The following MKNK2 variants were observed in gnomAD, a reference collection of about 807,000 sequenced individuals.
The protein encoded by MKNK2 is MAP kinase-interacting serine/threonine-protein kinase 2.
A neutral mutation model predicts 55.0 loss-of-function variants in MKNK2; 54 were observed. The observed-to-expected ratio is 0.98, with a 90% CI of 0.79 to 1.23. MKNK2 has a LOEUF of 1.23. MKNK2 is among the 50% of genes most tolerant of loss of function. MKNK2 has a pLI of 0.00. For synonymous variants in MKNK2, 323 were observed against 256.0 expected, an observed-to-expected ratio of 1.26 and a Z score of -2.50; for missense variants, 685 against 632.1, an observed-to-expected ratio of 1.08 and a Z score of -0.90.
chr19:2,045,008 A>C (rs1156483841), intron 5 of MKNK2, among the ~76,000 whole-genome samples: 2 of 152,038 alleles, frequency 1.3e-5, no homozygotes, highest in Admixed American at 1.3e-4. Context: ...CATAGAACGA[A>C]ACAACGCTCC....
chr19:2,044,878 CT>C (rs1336421058), intron 5 of MKNK2, among the ~76,000 whole-genome samples: 2 of 152,182 alleles, frequency 1.3e-5, no homozygotes, highest in Non-Finnish European at 2.9e-5. Context: ...TGGAAGGGGC[CT>C]ATTCTGAGGT....
At position 2,051,020 on chromosome 19, in the gene MKNK2, G is replaced by T. The variant is rs2017107169; in HGVS notation, c.-96-73C>A. On this transcript the variant is annotated intron_variant, in intron 1 of 13. Transcript: ENST00000250896. Reference sequence around the variant, plus strand: ...TGCCAGGAGCGCGGACCGGGCGGGGGCGGCGAGGGCTCCGCGGGGCCCGTT... The same window carrying T: ...TGCCAGGAGCGCGGACCGGGCGGGGTCGGCGAGGGCTCCGCGGGGCCCGTT... 5 of 393,434 alleles carry T rather than the reference G, an allele frequency of 1.3e-5. 1 individual carries two copies. In the South Asian group the frequency reaches 3.8e-4, roughly 30 times the overall value. 24.4% of individuals were successfully genotyped at this position (393,434 alleles called of 1,614,324 possible).
chr19:2,046,904 A>T (rs1215340613), intron 2 of MKNK2, among the ~76,000 whole-genome samples: 3 of 152,180 alleles, frequency 2.0e-5, no homozygotes, highest in Admixed American at 1.3e-4. Context: ...GGGACCCCCA[A>T]GCTCCTGGGA....
At chr19:2,046,790 G>T in intron 2 of MKNK2, 99 bp from the exon 3 acceptor site, 1 of 927,040 alleles carries the variant, frequency 1.1e-6, no homozygotes, top group South Asian at 1.9e-5. Flanking sequence ...ACACTGACAA[G>T]CCCTGCGCTG....
Position 2,038,265 on chromosome 19 carries a change from A to G in MKNK2, c.*1348T>C. On this transcript the variant is annotated 3_prime_UTR_variant, in exon 14 of 14. Transcript: ENST00000250896. ...ATGTGTTGTTTTTTTTTAAGGAAAAACTAAAAAACTAAACAGGAGGAAGAA... is the reference window on the plus strand; with the variant it reads ...ATGTGTTGTTTTTTTTTAAGGAAAAGCTAAAAAACTAAACAGGAGGAAGAA... The G allele has an allele frequency of 1.0e-6, 1 of 987,126 alleles. No homozygotes were observed. The allele number at this position is 987,126 out of a possible 1,614,324, so 61.1% of individuals were successfully genotyped here.
Position 2,039,452 on chromosome 19 carries a change from A to T in MKNK2, c.*161T>A. 2 of 1,402,474 alleles carry T rather than the reference A, an allele frequency of 1.4e-6. No homozygotes were observed. Among genetic ancestry groups the T allele is most frequent in the Non-Finnish European group, 1.9e-6 (2 of 1,079,698 alleles). 86.9% of individuals were successfully genotyped at this position (1,402,474 alleles called of 1,614,324 possible). On this transcript the variant is annotated 3_prime_UTR_variant, in exon 14 of 14. Transcript: ENST00000250896. ...GGAAACAGGAAAAAAAAAACCCAAAAGCAAAAACCTTCTATAAAACACCCC... is the reference window on the plus strand; with the variant it reads ...GGAAACAGGAAAAAAAAAACCCAAATGCAAAAACCTTCTATAAAACACCCC...
At chr19:2,045,771 C>T (rs1470077333) in intron 5 of MKNK2, among the ~76,000 whole-genome samples, 5 of 152,228 alleles carry the variant, frequency 3.3e-5, no homozygotes, top group Non-Finnish European at 7.3e-5. Flanking sequence ...GGCTCCTGCT[C>T]CCAGCCCTTC....
chr19:2,050,822 C>G lies in MKNK2; in HGVS notation c.30G>C (p.Gln10His). The G allele has an allele frequency of 7.2e-6, 11 of 1,538,186 alleles. No homozygotes were observed. The highest frequency in any genetic ancestry group is 8.8e-6 in the Non-Finnish European group (10 of 1,142,052). The change falls in exon 2 of 14, where the codon CAG (glutamine) becomes CAC (histidine). Residue 10 changes from glutamine to histidine, a missense_variant. Physicochemically the swap from Gln to His is conservative, Grantham distance 24. Transcript: ENST00000250896. ...TCACCTTGAACGAACGGTGGAAACC[C>G]TGAAGTTCGGCTGGTTTCTTCTGCA... Reference protein sequence around the residue: MVQKKPAELQGFHRSFKGQN... With the variant: MVQKKPAELHGFHRSFKGQN...
chr19:2,038,379 G>A lies in MKNK2; in HGVS notation c.*1234C>T, dbSNP rs527674710. 7.7e-5 allele frequency: 76 copies of A among 986,282 alleles called. No homozygotes were observed. Among genetic ancestry groups the A allele is most frequent in the African/African-American group, 1.6e-4 (9 of 57,278 alleles). The allele number at this position is 986,282 out of a possible 1,614,324, so 61.1% of individuals were successfully genotyped here. A position where few individuals can be genotyped will look rare whatever the true frequency, so the allele number is the denominator to read the frequency against. ...GGAAGGGCGGGCGGTGACCCTAGCC[G>A]CGCGCACTTCTAAAGTGGAACCCTG... On this transcript the variant is annotated 3_prime_UTR_variant, in exon 14 of 14. Coordinates refer to ENST00000250896, the MANE Select transcript of MKNK2 (RefSeq NM_199054.3).
At position 2,037,949 on chromosome 19, in the gene MKNK2, A is replaced by G; in HGVS notation, c.*1664T>C. ...CCATTTGCTTGTTCTTTGATACAAA[A>G]AGGCAGAGAATCCCCCGTTACGAAA... is the stretch of plus-strand genomic sequence containing the variant. On this transcript the variant is annotated 3_prime_UTR_variant, in exon 14 of 14. Coordinates refer to ENST00000250896, the MANE Select transcript of MKNK2 (RefSeq NM_199054.3). 1 of 1,391,242 alleles carries G rather than the reference A, an allele frequency of 7.2e-7. No homozygotes were observed. The highest frequency in any genetic ancestry group is 2.6e-5 in the East Asian group (1 of 38,874). The allele number at this position is 1,391,242 out of a possible 1,614,324, so 86.2% of individuals were successfully genotyped here.
rs765371228 is a variant in MKNK2 at position 2,037,872 on chromosome 19, C to T, written c.*1741G>A. On this transcript the variant is annotated 3_prime_UTR_variant, in exon 14 of 14. Coordinates refer to ENST00000250896, the MANE Select transcript of MKNK2 (RefSeq NM_199054.3). ...AAAACAAACAAACAAACGCTGCTAGCCACTCAGCTTTAGAGACCCGATGGC... is the reference window on the plus strand; with the variant it reads ...AAAACAAACAAACAAACGCTGCTAGTCACTCAGCTTTAGAGACCCGATGGC... The T allele has an allele frequency of 8.4e-6, 13 of 1,545,512 alleles. No homozygotes were observed. The highest frequency in any genetic ancestry group is 9.7e-6 in the Non-Finnish European group (11 of 1,138,400).
At chr19:2,040,241 G>T in intron 12 of MKNK2, 64 bp from the exon 13 acceptor site, 3 of 1,398,846 alleles carry the variant, frequency 2.1e-6, no homozygotes, top group Non-Finnish European at 2.9e-6. Context: ...GCGCTGGGTG[G>T]GGTGTCTGGC....
rs890740717 is a variant in MKNK2, at chr19:2,039,133, G to C, written c.*480C>G. 3.0e-6 allele frequency: 3 copies of C among 991,322 alleles called. No homozygotes were observed. Among genetic ancestry groups the C allele is most frequent in the Non-Finnish European group, 3.6e-6 (3 of 833,472 alleles). 61.4% of individuals were successfully genotyped at this position (991,322 alleles called of 1,614,324 possible). On this transcript the variant is annotated 3_prime_UTR_variant, in exon 14 of 14. Coordinates refer to ENST00000250896, the MANE Select transcript of MKNK2 (RefSeq NM_199054.3). ...GGGTGCTCTCAGGGTGAGGGATAGA[G>C]GGGAAGAGCCTGTCCCTGAAATACT...
At chr19:2,043,640 G>A (rs1599382259) in intron 5 of MKNK2, 58 bp from the exon 6 acceptor site, 2 of 1,505,382 alleles carry the variant, frequency 1.3e-6, no homozygotes, top group Middle Eastern at 1.7e-4. Context: ...AGTCGAGAAG[G>A]GGCCAGAAAC....
At chr19:2,041,303 C>G (rs1211716610) in intron 11 of MKNK2, 99 bp from the exon 12 acceptor site, 5 of 1,351,138 alleles carry the variant, frequency 3.7e-6, no homozygotes, top group Non-Finnish European at 5.1e-6. Context: ...GGCCCTAGAC[C>G]AGGCCCTAGA....
chr19:2,043,642 G>A (rs898315162), intron 5 of MKNK2, 60 bp from the exon 6 acceptor site: 2 of 1,460,552 alleles, frequency 1.4e-6, no homozygotes, highest in East Asian at 2.3e-5. Flanking sequence ...TCGAGAAGGG[G>A]CCAGAAACTC....
In MKNK2 at chr19:2,039,375, G is replaced by C; in HGVS notation, c.*238C>G. 2 of 1,382,970 alleles carry C rather than the reference G, an allele frequency of 1.4e-6. No homozygotes were observed. The highest frequency in any genetic ancestry group is 1.9e-6 in the Non-Finnish European group (2 of 1,069,484). The allele number at this position is 1,382,970 out of a possible 1,614,324, so 85.7% of individuals were successfully genotyped here. ...CCACCTACCCTCTGCTCACCTTCCCGGGTGCCTGCAATGCTTTTAACCATC... is the reference window on the plus strand; with the variant it reads ...CCACCTACCCTCTGCTCACCTTCCCCGGTGCCTGCAATGCTTTTAACCATC... On this transcript the variant is annotated 3_prime_UTR_variant, in exon 14 of 14. Coordinates refer to ENST00000250896, the MANE Select transcript of MKNK2 (RefSeq NM_199054.3).
chr19:2,043,771 T>G (rs1245058878), intron 5 of MKNK2, among the ~76,000 whole-genome samples, 189 bp from the exon 6 acceptor site: 1 of 152,018 alleles, frequency 6.6e-6, no homozygotes, highest in Non-Finnish European at 1.5e-5. Context: ...GTCAGGAGAT[T>G]GAGACCATCC....
intron 12 of MKNK2, chr19:2,040,498 T>C (rs945232027): frequency 5.0e-6 from 2 of 397,392 alleles, no homozygotes; most frequent in Non-Finnish European, 9.1e-6. Flanking sequence ...GCCCCCCTCT[T>C]AACCCATGGG....
Sources: gnomAD v4.1 joint callset for allele counts (sites outside exome capture counted in the v4.1 genomes callset) on GRCh38, gnomAD v4.1.1 for gene constraint, MANE v1.5 for transcripts, NCBI Gene and HGNC (gene_info 2026-07-23, HGNC 2026-07-21) for gene names.